The following STPG2 variants were observed in gnomAD, a reference collection of about 807,000 sequenced individuals.
STPG2 encodes the protein sperm tail PG-rich repeat containing 2, also known as sperm-tail PG-rich repeat-containing protein 2.
Under a neutral mutation model 54.2 loss-of-function variants are expected in STPG2, and 56 were observed. The observed-to-expected ratio is 1.03, with a 90% CI of 0.83 to 1.29. STPG2 has a LOEUF of 1.29. STPG2 is among the 50% of genes most tolerant of loss of function. The pLI is 0.00. For missense variants in STPG2, 596 were observed against 544.9 expected, an observed-to-expected ratio of 1.09 and a Z score of -0.93; for synonymous variants, 200 against 181.8, an observed-to-expected ratio of 1.10 and a Z score of -0.81.
chr4:97,574,798 C>T (rs117880643), intron 10 of STPG2, among the ~76,000 whole-genome samples: 3,006 of 151,920 alleles, frequency 0.02, 60 homozygotes, highest in African/African-American at 0.049. Flanking sequence ...TGCTAAGATG[C>T]CATATTTTGG....
intron 9 of STPG2, among the ~76,000 whole-genome samples, chr4:97,821,680 C>T (rs1455700992): frequency 6.6e-6 from 1 of 152,210 alleles, no homozygotes; most frequent in Non-Finnish European, 1.5e-5. Flanking sequence ...AAGCCTCCCT[C>T]ACTCTTGCAC....
chr4:97,572,832 G>A (rs929510002), intron 10 of STPG2: 2 of 152,054 alleles, frequency 1.3e-5, no homozygotes, highest in Non-Finnish European at 2.9e-5. Flanking sequence ...ACTTTAAATA[G>A]GAGAAATAAG....
chr4:97,565,253 C>A (rs187875329), intron 10 of STPG2, among the ~76,000 whole-genome samples: 2 of 152,186 alleles, frequency 1.3e-5, no homozygotes, highest in Non-Finnish European at 2.9e-5. Context: ...GCATTCTTCA[C>A]GCAGTTCTCG....
intron 8 of STPG2, among the ~76,000 whole-genome samples, chr4:97,903,458 C>T (rs1476779352): frequency 6.8e-6 from 1 of 146,854 alleles, no homozygotes; most frequent in Non-Finnish European, 1.5e-5. Flanking sequence ...AAAAAAAAAA[C>T]AGCAAATTAA....
At chr4:97,845,819 C>G (rs7664051) in intron 8 of STPG2, among the ~76,000 whole-genome samples, 59,909 of 151,978 alleles carry the variant, frequency 0.39, 11,942 homozygotes, top group Middle Eastern at 0.46. Flanking sequence ...TAGAAGAGAC[C>G]TTCCTATGTA....
intron 5 of STPG2, among the ~76,000 whole-genome samples, chr4:98,022,765 A>G (rs1736265949): frequency 6.6e-6 from 1 of 151,790 alleles, no homozygotes; most frequent in African/African-American, 2.4e-5. Context: ...CATTTCATTC[A>G]TTTCATCTTC....
At chr4:97,932,398 A>T in intron 8 of STPG2, among the ~76,000 whole-genome samples, 1 of 152,126 alleles carries the variant, frequency 6.6e-6, no homozygotes, top group East Asian at 1.9e-4. Context: ...ACACATTTGC[A>T]GAACATGCTA....
Position 97,889,735 on chromosome 4 carries a change from A to G in STPG2, c.1045-48803T>C, listed in dbSNP as rs139151920. ...AAATGCTGCAAAATTTCATTCAGACAGTAGGAAAAGTCCAAAAGATCTATT... is the reference window on the plus strand; with the variant it reads ...AAATGCTGCAAAATTTCATTCAGACGGTAGGAAAAGTCCAAAAGATCTATT... On this transcript the variant is annotated intron_variant, in intron 8 of 10. Coordinates refer to ENST00000295268, the MANE Select transcript of STPG2 (RefSeq NM_174952.3). Among the ~76,000 whole-genome samples, 446 of 152,328 alleles carry G rather than the reference A, an allele frequency of 2.9e-3. 1 individual carries two copies. Among genetic ancestry groups the G allele is most frequent in the Non-Finnish European group, 5.5e-3 (376 of 68,000 alleles).
chr4:98,131,483 A>G (rs1188243099), intron 2 of STPG2, among the ~76,000 whole-genome samples: 3 of 152,190 alleles, frequency 2.0e-5, no homozygotes, highest in Non-Finnish European at 4.4e-5. Flanking sequence ...ATTTAAATAT[A>G]CTTACAAAAT....
chr4:97,720,133 T>G (rs1724404394), intron 9 of STPG2, among the ~76,000 whole-genome samples: 1 of 152,020 alleles, frequency 6.6e-6, no homozygotes, highest in Non-Finnish European at 1.5e-5. Flanking sequence ...TCTATGTTAT[T>G]TTAGCCTATT....
chr4:97,582,279 C>T (rs934112040), intron 10 of STPG2, among the ~76,000 whole-genome samples: 13 of 151,806 alleles, frequency 8.6e-5, no homozygotes, highest in Non-Finnish European at 1.8e-4. Context: ...GTCAAATACG[C>T]GTTGTTGGTT....
intron 8 of STPG2, among the ~76,000 whole-genome samples, chr4:97,867,273 T>A (rs1353502861): frequency 1.3e-5 from 2 of 151,994 alleles, no homozygotes; most frequent in African/African-American, 2.4e-5. Context: ...CTCATTATGC[T>A]GCATCTAGAT....
intron 10 of STPG2, among the ~76,000 whole-genome samples, chr4:97,578,150 A>G (rs932497519): frequency 7.1e-6 from 1 of 140,136 alleles, no homozygotes; most frequent in Non-Finnish European, 1.5e-5. Flanking sequence ...TGTCACCCAG[A>G]CTGGAGTGCA....
At chr4:97,909,402 C>T (rs904160469) in intron 8 of STPG2, among the ~76,000 whole-genome samples, 175 of 152,094 alleles carry the variant, frequency 1.2e-3, no homozygotes, top group African/African-American at 4.1e-3. Context: ...AATTCAACAA[C>T]AATCTCACAC....
intron 9 of STPG2, among the ~76,000 whole-genome samples, chr4:97,718,089 G>T (rs897445947): frequency 1.3e-5 from 2 of 151,954 alleles, no homozygotes; most frequent in African/African-American, 4.8e-5. Flanking sequence ...GGCTAAATTA[G>T]CACCACTCTA....
intron 9 of STPG2, among the ~76,000 whole-genome samples, chr4:97,826,849 T>C (rs1728274936): frequency 6.6e-6 from 1 of 152,218 alleles, no homozygotes; most frequent in African/African-American, 2.4e-5. Flanking sequence ...TTACATAAAA[T>C]CATTGTATGC....
chr4:97,841,769 C>A (rs1368062108), intron 8 of STPG2, among the ~76,000 whole-genome samples: 1 of 151,678 alleles, frequency 6.6e-6, no homozygotes, highest in Non-Finnish European at 1.5e-5. Flanking sequence ...CTTAAGCAAG[C>A]CACTTACCCT....
At chr4:97,905,444 C>A (rs955753773) in intron 8 of STPG2, among the ~76,000 whole-genome samples, 35 of 152,094 alleles carry the variant, frequency 2.3e-4, no homozygotes, top group African/African-American at 6.0e-4. Context: ...CCTAAAAGAG[C>A]TCCTGAAGGA....
intron 10 of STPG2, among the ~76,000 whole-genome samples, chr4:97,679,794 A>G (rs1484324480): frequency 1.3e-5 from 2 of 152,118 alleles, no homozygotes; most frequent in African/African-American, 4.8e-5. Context: ...ATCTTGAATG[A>G]ATTTTTGTAT....
Sources: allele counts gnomAD v4.1 joint callset (sites outside exome capture counted in the v4.1 genomes callset), GRCh38; gene constraint gnomAD v4.1.1; transcripts MANE v1.5; gene names NCBI Gene and HGNC (gene_info 2026-07-23, HGNC 2026-07-21).